Variants in SAXO5 observed in about 807,000 individuals in gnomAD.
SAXO5 encodes testis expressed 45.
the SAXO5 span, chr19:7,503,994 T>A: frequency 1.5e-6 from 1 of 657,260 alleles, no homozygotes; most frequent in South Asian, 1.8e-5. Flanking sequence ...CAGCTCTCAG[T>A]CTACACTGTT....
chr19:7,505,298 T>G, the SAXO5 span: 1 of 1,607,470 alleles, frequency 6.2e-7, no homozygotes, highest in Non-Finnish European at 8.5e-7. Context: ...TACCTTATTC[T>G]TGATGGAATA....
chr19:7,500,550 T>C, the SAXO5 span, among the ~76,000 whole-genome samples: 1 of 152,062 alleles, frequency 6.6e-6, no homozygotes, highest in Non-Finnish European at 1.5e-5. Flanking sequence ...CCTCAGGTGA[T>C]CCACCGGCCT....
At chr19:7,503,853 C>T in the SAXO5 span, among the ~76,000 whole-genome samples, 1 of 152,186 alleles carries the variant, frequency 6.6e-6, no homozygotes, top group Non-Finnish European at 1.5e-5. Context: ...TGGTCTCCAG[C>T]TCAAGATGGG....
the SAXO5 span, chr19:7,501,497 G>C: frequency 1.5e-6 from 2 of 1,302,600 alleles, no homozygotes; most frequent in South Asian, 1.7e-5. Context: ...GGGAACATTT[G>C]GCAATGTCTG....
the SAXO5 span, chr19:7,501,031 AC>A: frequency 6.6e-7 from 1 of 1,522,242 alleles, no homozygotes; most frequent in Non-Finnish European, 8.8e-7. Context: ...TTCCCAATGG[AC>A]CCGCGCTGGG....
the SAXO5 span, among the ~76,000 whole-genome samples, chr19:7,502,108 T>C: frequency 6.6e-6 from 1 of 151,958 alleles, no homozygotes; most frequent in Admixed American, 6.6e-5. Context: ...TTATTATATA[T>C]ATATGTGTAT....
At chr19:7,507,203 C>T in the SAXO5 span, 5 of 1,389,384 alleles carry the variant, frequency 3.6e-6, no homozygotes, top group Non-Finnish European at 3.1e-6. Flanking sequence ...GTAGAGTTAT[C>T]TCAGGACGAC....
At chr19:7,506,500 CCT>C in the SAXO5 span, 3 of 407,630 alleles carry the variant, frequency 7.4e-6, no homozygotes, top group Non-Finnish European at 1.4e-5. Context: ...CCTTCTCCAT[CCT>C]CTCTTATCCA....
At chr19:7,507,349 G>A in the SAXO5 span, among the ~76,000 whole-genome samples, 1 of 152,142 alleles carries the variant, frequency 6.6e-6, no homozygotes, top group Non-Finnish European at 1.5e-5. Context: ...TTGGGAGGCC[G>A]AAGCAGGCGG....
the SAXO5 span, chr19:7,505,337 C>G: frequency 2.5e-6 from 4 of 1,614,212 alleles, no homozygotes; most frequent in Non-Finnish European, 8.5e-7. Context: ...TGACAAGGCC[C>G]AGGCCACAGC....
chr19:7,501,108 CT>C, the SAXO5 span: 2 of 1,504,852 alleles, frequency 1.3e-6, no homozygotes, highest in East Asian at 5.4e-5. Context: ...GCCGTGGGAG[CT>C]GCTGCAAGCG....
chr19:7,505,825 C>A, the SAXO5 span: 1 of 976,220 alleles, frequency 1.0e-6, no homozygotes, highest in Non-Finnish European at 1.5e-6. Context: ...ATAAGAGTAC[C>A]AACTCCCAGT....
At chr19:7,505,948 C>A in the SAXO5 span, 5 of 1,554,410 alleles carry the variant, frequency 3.2e-6, no homozygotes, top group Non-Finnish European at 4.3e-6. Flanking sequence ...CTTTCAAATG[C>A]CATGTGGTCC....
chr19:7,500,851 C>T, the SAXO5 span: 8 of 1,534,446 alleles, frequency 5.2e-6, no homozygotes, highest in Non-Finnish European at 7.0e-6. Flanking sequence ...CTGCCGTGCT[C>T]GCGCCCGTGC....
chr19:7,500,704 ACAGAAAGGAGTCAAAGGCAG>A, the SAXO5 span: 2 of 968,100 alleles, frequency 2.1e-6, no homozygotes, highest in South Asian at 2.0e-5. Context: ...TGCTTGGCGA[ACAGAAAGGAGTCAAAGGCAG>A]CAGAAAGGAG....
the SAXO5 span, chr19:7,501,438 C>A: frequency 6.9e-7 from 1 of 1,439,956 alleles, no homozygotes; most frequent in East Asian, 2.7e-5. Flanking sequence ...ATTTGCTTCA[C>A]ATTGTGGTTC....
chr19:7,502,056 T>C, the SAXO5 span, among the ~76,000 whole-genome samples: 3 of 150,668 alleles, frequency 2.0e-5, no homozygotes, highest in African/African-American at 5.0e-5. Context: ...CTGGGCAACA[T>C]AGCGAGACCC....
the SAXO5 span, chr19:7,500,997 C>A: frequency 6.5e-7 from 1 of 1,532,732 alleles, no homozygotes; most frequent in African/African-American, 1.4e-5. Context: ...GCCGCCGAGC[C>A]TGCAGCCGCC....
At chr19:7,508,406 G>T in the SAXO5 span, 1 of 1,611,936 alleles carries the variant, frequency 6.2e-7, no homozygotes, top group Non-Finnish European at 8.5e-7. Flanking sequence ...AGCCCCCTAT[G>T]TACCTGTGCC....
Sources: allele counts gnomAD v4.1 joint callset (sites outside exome capture counted in the v4.1 genomes callset), GRCh38; gene constraint gnomAD v4.1.1; transcripts MANE v1.5; gene names NCBI Gene and HGNC (gene_info 2026-07-23, HGNC 2026-07-21).